KIFC3: variants seen among roughly 807,000 people sequenced by gnomAD.
The protein encoded by KIFC3 is kinesin-like protein KIFC3.
In KIFC3, 60 loss-of-function variants were observed where a neutral mutation model predicts 101.8. The observed-to-expected ratio is 0.59, with a 90% CI of 0.48 to 0.73. The LOEUF (loss-of-function observed/expected upper bound fraction) is 0.73. KIFC3 is among the 30% of genes least tolerant of loss of function. The pLI, the probability that KIFC3 is intolerant of heterozygous loss-of-function variation, is 0.00. For synonymous variants in KIFC3, 476 were observed against 482.7 expected (o/e 0.99, Z 0.18); for missense variants, 966 against 1,137.1 (o/e 0.85, Z 2.16).
chr16:57,786,293 G>A (rs781847628), intron 3 of KIFC3, among the ~76,000 whole-genome samples: 8 of 152,210 alleles, frequency 5.3e-5, no homozygotes, highest in South Asian at 2.1e-4. Flanking sequence ...GGAAACACCC[G>A]GCTGGGCAGA....
chr16:57,849,872 C>T (rs997502001), intron 1 of KIFC3, among the ~76,000 whole-genome samples: 2 of 152,134 alleles, frequency 1.3e-5, no homozygotes, highest in Admixed American at 1.3e-4. Context: ...CACTGCACTC[C>T]AGCCTGGGCA....
At position 57,769,507 on chromosome 16, in the gene KIFC3, A is replaced by G; in HGVS notation, c.1218+88T>C. On this transcript the variant is annotated intron_variant, in intron 9 of 19. Transcript: ENST00000445690. The surrounding 1 kb of genome is among the most constrained non-coding windows in gnomAD (Gnocchi z 4.3). ...GCTGCTGTCTGAGCGGCTTTGTCTG[A>G]GCTTTGGAGGGACGCCCTGAGTGGA... 1 of 1,503,926 alleles carries G rather than the reference A, an allele frequency of 6.6e-7. No individual in the cohort carries two copies. The allele number at this position is 1,503,926 out of a possible 1,614,324, so 93.2% of individuals were successfully genotyped here.
rs2055828706 is a variant in KIFC3 at position 57,842,191 on chromosome 16, C to T, written c.108+20538G>A. 2.6e-5 allele frequency among the ~76,000 whole-genome samples: 4 copies of T among 151,800 alleles called. No individual in the cohort carries two copies. In the South Asian group the frequency reaches 8.3e-4, roughly 31 times the overall value. On this transcript the variant is annotated intron_variant, in intron 1 of 2. Transcript: ENST00000563028. The stretch of plus-strand genomic sequence containing the variant: ...CTCCAGCCTGGGCAACAGAGCGAGA[C>T]TCCGTCTCAAAAAAAAAAATAAAAA...
chr16:57,806,681 A>G (rs563753907), upstream of KIFC3, among the ~76,000 whole-genome samples: 1 of 152,354 alleles, frequency 6.6e-6, no homozygotes, highest in Admixed American at 6.5e-5. Flanking sequence ...AATTTCTACC[A>G]AAAGGAAGTA....
chr16:57,792,070 G>C (rs536163272), intron 3 of KIFC3, among the ~76,000 whole-genome samples: 1 of 152,326 alleles, frequency 6.6e-6, no homozygotes, highest in East Asian at 1.9e-4. Context: ...AAGGGTATGT[G>C]TTTCCCACAC....
At chr16:57,830,236 C>CTTTTTTTTTTTTTTTTT (rs34842791) in intron 1 of KIFC3, among the ~76,000 whole-genome samples, 14 of 119,302 alleles carry the variant, frequency 1.2e-4, no homozygotes, top group Non-Finnish European at 2.1e-4. Context: ...TTTTTTCTTT[C>CTTTTTTTTTTTTTTTTT]TTTTTTTTTT....
intron 1 of KIFC3, chr16:57,816,150 G>T: frequency 8.2e-7 from 1 of 1,218,244 alleles, no homozygotes; most frequent in Non-Finnish European, 1.1e-6. Flanking sequence ...TGAGCTGCTG[G>T]GGAGAGGAAA....
At chr16:57,811,108 G>C (rs2055061238) in intron 1 of KIFC3, among the ~76,000 whole-genome samples, 1 of 152,218 alleles carries the variant, frequency 6.6e-6, no homozygotes, top group Non-Finnish European at 1.5e-5. Flanking sequence ...AAGGGCAGGA[G>C]CATCCCACCT....
chr16:57,796,524 G>T (rs750736173), intron 2 of KIFC3, among the ~76,000 whole-genome samples: 8 of 152,226 alleles, frequency 5.3e-5, no homozygotes, highest in Non-Finnish European at 1.2e-4. Flanking sequence ...GGCAATATGG[G>T]GGTTGGTCGG....
intron 3 of KIFC3, chr16:57,777,210 A>G (rs2052204654): frequency 6.6e-6 from 1 of 152,268 alleles, no homozygotes; most frequent in African/African-American, 2.4e-5. Flanking sequence ...ACACCAATAA[A>G]TGGAAAGACA....
At chr16:57,813,723 T>C (rs373358327) in intron 1 of KIFC3, 101,450 of 930,624 alleles carry the variant, frequency 0.11, 8,092 homozygotes, top group African/African-American at 0.44. Flanking sequence ...GCACCACTCA[T>C]GCAGGTGGGC....
chr16:57,814,650 G>A (rs1426235124), intron 1 of KIFC3, among the ~76,000 whole-genome samples: 4 of 150,630 alleles, frequency 2.7e-5, no homozygotes, highest in Admixed American at 6.6e-5. Context: ...TTTTTTTGGA[G>A]ACAAATGCTC....
chr16:57,797,324 C>T (rs955491375), intron 2 of KIFC3, among the ~76,000 whole-genome samples: 1 of 152,224 alleles, frequency 6.6e-6, no homozygotes, highest in Admixed American at 6.5e-5. Context: ...AGAGCCCTCT[C>T]TCCCCCACAC....
chr16:57,760,132 G>C, intron 17 of KIFC3, 150 bp downstream of exon 17: 2 of 921,546 alleles, frequency 2.2e-6, no homozygotes, highest in South Asian at 1.6e-5. Context: ...GAGGCTGCTG[G>C]CTGTGGGTTC....
At chr16:57,788,268 C>T (rs909426413) in intron 3 of KIFC3, among the ~76,000 whole-genome samples, 1 of 152,314 alleles carries the variant, frequency 6.6e-6, no homozygotes, top group South Asian at 2.1e-4. Context: ...TTTAGACAGG[C>T]ACTGGGAAAA....
chr16:57,843,846 G>A (rs1389606543), intron 1 of KIFC3, among the ~76,000 whole-genome samples: 2 of 152,190 alleles, frequency 1.3e-5, no homozygotes, highest in African/African-American at 2.4e-5. Flanking sequence ...GGTGGCTCAC[G>A]CTCATAATCC....
intron 3 of KIFC3, among the ~76,000 whole-genome samples, chr16:57,792,465 T>C (rs1253388102): frequency 6.6e-6 from 1 of 152,188 alleles, no homozygotes; most frequent in Non-Finnish European, 1.5e-5. Context: ...GCCCTGAAAA[T>C]ACTCAAAGCT....
chr16:57,832,193 G>C (rs2055594686), intron 1 of KIFC3, among the ~76,000 whole-genome samples: 1 of 151,662 alleles, frequency 6.6e-6, no homozygotes, highest in South Asian at 2.1e-4. Flanking sequence ...TCTAATTTTT[G>C]TATTTTTGGT....
intron 1 of KIFC3, chr16:57,815,686 G>C: frequency 7.8e-7 from 1 of 1,276,942 alleles, no homozygotes; most frequent in Non-Finnish European, 1.0e-6. Flanking sequence ...TCCACTCGGG[G>C]CCTGGGAGAA....
Sources: gnomAD v4.1 joint callset for allele counts (sites outside exome capture counted in the v4.1 genomes callset) on GRCh38, gnomAD v4.1.1 for gene constraint, Gnocchi (gnomAD v3.1) non-coding constraint, MANE v1.5 for transcripts, NCBI Gene and HGNC (gene_info 2026-07-23, HGNC 2026-07-21) for gene names.